Variants in EP400 observed in about 807,000 individuals in gnomAD.
The protein encoded by EP400 is E1A binding protein p400.
Under a neutral mutation model 354.1 loss-of-function variants are expected in EP400, and 105 were observed. The observed-to-expected ratio is 0.30, with a 90% CI of 0.25 to 0.35. EP400 has a LOEUF of 0.35. EP400 is among the 10% of genes least tolerant of loss of function. The pLI is 1.00. For missense variants in EP400, 3,280 were observed against 4,121.0 expected, an observed-to-expected ratio of 0.80 and a Z score of 5.59; for synonymous variants, 1,646 against 1,716.9, an observed-to-expected ratio of 0.96 and a Z score of 1.02.
chr12:132,053,278 C>T, intron 42 of EP400, 54 bp downstream of exon 42: 2 of 1,609,842 alleles, frequency 1.2e-6, no homozygotes, highest in Non-Finnish European at 1.7e-6. Flanking sequence ...ACTGTGACTT[C>T]ATCCAGGGGG....
chr12:131,983,446 G>A (rs1892749164), intron 5 of EP400, among the ~76,000 whole-genome samples: 1 of 152,176 alleles, frequency 6.6e-6, no homozygotes. Context: ...TGTGTTTTTG[G>A]GATGTCCACA....
In EP400 at chr12:131,979,702, C is replaced by T; in HGVS notation, c.1344C>T (p.Ala448=). 6.2e-7 allele frequency: 1 copy of T among 1,605,772 alleles called. No individual in the cohort carries two copies. Among genetic ancestry groups the T allele is most frequent in the African/African-American group, 1.3e-5 (1 of 74,416 alleles). Residue 448 remains alanine, a synonymous_variant, in exon 3 of 53, where the codon GCC becomes GCT. Coordinates refer to ENST00000389561, the MANE Select transcript of EP400 (RefSeq NM_015409.5). ...KSEVINDEQQ[A]LAGSLVAGAG... ...TTCATCTTTTTTCCCAGCAGCAAGC[C>T]CTCGCAGGGAGCCTGGTAGCAGGGG... is the stretch of plus-strand genomic sequence containing the variant.
intron 29 of EP400, among the ~76,000 whole-genome samples, chr12:132,031,550 G>A (rs1894497805): frequency 6.6e-6 from 1 of 152,086 alleles, no homozygotes; most frequent in East Asian, 1.9e-4. Context: ...AAACCAAGCA[G>A]TTTTGCTATG....
Position 132,013,146 on chromosome 12 carries a change from G to A in EP400, c.3579G>A (p.Glu1193=). 1 of 1,613,974 alleles carries A rather than the reference G, an allele frequency of 6.2e-7. No individual in the cohort carries two copies. Among genetic ancestry groups the A allele is most frequent in the East Asian group, 2.2e-5 (1 of 44,882 alleles). The change falls in exon 17 of 53, where the codon GAG becomes GAA. Residue 1193 remains glutamate (E), a synonymous_variant. Transcript: ENST00000389561. This position sits in a 1 kb window ranked among gnomAD's most constrained non-coding sequence, Gnocchi z 4.5. ...DEMQRVKGMT[E]RHWEAVFTLQ... ...TGCAGCGCGTGAAGGGCATGACCGA[G>A]AGGCACTGGGAAGCGGTTTTCACCC...
intron 51 of EP400, among the ~76,000 whole-genome samples, chr12:132,071,753 T>TTGCTCCTCTGCACC (rs1291033314): frequency 6.6e-5 from 10 of 152,188 alleles, no homozygotes; most frequent in Non-Finnish European, 5.9e-5. Context: ...CCCTCTGCAC[T>TTGCTCCTCTGCACC]TGCTCCTCTG....
chr12:132,038,202 C>G lies in EP400; in HGVS notation c.6207+106C>G. 7.0e-7 allele frequency: 1 copy of G among 1,418,890 alleles called. No homozygotes were observed. Among genetic ancestry groups the G allele is most frequent in the African/African-American group, 1.4e-5 (1 of 70,310 alleles). The allele number at this position is 1,418,890 out of a possible 1,614,324, so 87.9% of individuals were successfully genotyped here. A position where few individuals can be genotyped will look rare whatever the true frequency, so the allele number is the denominator to read the frequency against. ...TGCTCAGTCCCCACTCTTCCCTGGCCTGAAGCCCTCTTCCCGTCCCTGCTT... is the reference window on the plus strand; with the variant it reads ...TGCTCAGTCCCCACTCTTCCCTGGCGTGAAGCCCTCTTCCCGTCCCTGCTT... On this transcript the variant is annotated intron_variant, in intron 32 of 52. Coordinates refer to ENST00000389561, the MANE Select transcript of EP400 (RefSeq NM_015409.5). The surrounding 1 kb of genome is among the most constrained non-coding windows in gnomAD (Gnocchi z 4.2).
In EP400 at chr12:132,018,271, C is replaced by T; in HGVS notation, c.4172C>T (p.Ala1391Val). The change falls in exon 21 of 53, where the codon GCA becomes GTA. Residue 1391 changes from alanine to valine, a missense_variant. By Grantham distance (64) the Ala-to-Val change is moderately conservative. Around this residue, in one of 20 missense-constraint regions of EP400, gnomAD observed 342 missense variants for 342.7 expected, o/e 1.00. Transcript: ENST00000389561. The surrounding 1 kb of genome is among the most constrained non-coding windows in gnomAD (Gnocchi z 4.0). ...GLENKITRHE[A>V]ELLSKKKIPR... is the part of the protein sequence containing the mutation. ...GAAAATAAAATCACTCGTCACGAGG[C>T]AGAGTTGCTGTCTAAGAAAAAGATA... 3 of 1,613,910 alleles carry T rather than the reference C, an allele frequency of 1.9e-6. No individual in the cohort carries two copies. The highest frequency in any genetic ancestry group is 2.5e-6 in the Non-Finnish European group (3 of 1,179,966).
At chr12:132,062,044 C>CT in intron 45 of EP400, 66 bp from the exon 46 acceptor site, 2 of 1,443,872 alleles carry the variant, frequency 1.4e-6, no homozygotes, top group South Asian at 2.3e-5. Flanking sequence ...CTTCCCTGCT[C>CT]TGAGTGTGAA....
At chr12:131,986,900 G>T in intron 6 of EP400, 93 bp downstream of exon 6, 5 of 1,418,148 alleles carry the variant, frequency 3.5e-6, no homozygotes, top group Middle Eastern at 3.8e-4. Context: ...AAAACCGAAT[G>T]CCTGGTCAAT....
In EP400 at chr12:132,062,614, G is replaced by T; in HGVS notation, c.8247G>T (p.Thr2749=). ...AGCAACAGCAGCAGCAGCAACAGAC[G>T]ACGACGACCTCTCAGGTGCAAGTTC... ...QQQQQQQQQQ[T]TTTSQVQVPQ... Residue 2749 remains threonine (T), a synonymous_variant, in exon 47 of 53, where the codon ACG becomes ACT. Transcript: ENST00000389561. The T allele has an allele frequency of 6.2e-7, 1 of 1,613,936 alleles. No homozygotes were observed. The highest frequency in any genetic ancestry group is 8.5e-7 in the Non-Finnish European group (1 of 1,179,948).
chr12:132,026,143 G>A (rs969967911), intron 25 of EP400, among the ~76,000 whole-genome samples: 2 of 152,168 alleles, frequency 1.3e-5, no homozygotes, highest in African/African-American at 4.8e-5. Context: ...GTGTGTGGCC[G>A]CCCACGCAGG....
Position 132,021,312 on chromosome 12 carries a change from C to T in EP400, c.4681C>T (p.Arg1561Cys), listed in dbSNP as rs532602362. Residue 1561 changes from arginine (R) to cysteine (C), a missense_variant, in exon 23 of 53, where the codon CGC (arginine) becomes TGC (cysteine). Around this residue, in one of 20 missense-constraint regions of EP400, gnomAD observed 342 missense variants for 342.7 expected, o/e 1.00. Coordinates refer to ENST00000389561, the MANE Select transcript of EP400 (RefSeq NM_015409.5). ...GGTGCTCCCCTCGCAGGCCCAGGCC[C>T]GCTTGCCCAGTAAGTGGCCTCACCT... ...RLVLPSQAQA[R>C]LPSGEVVKIA... 22 of 1,519,478 alleles carry T rather than the reference C, an allele frequency of 1.4e-5. No individual in the cohort carries two copies. The highest frequency in any genetic ancestry group is 2.3e-4 in the Middle Eastern group (1 of 4,276). The allele number at this position is 1,519,478 out of a possible 1,614,324, so 94.1% of individuals were successfully genotyped here.
Position 132,013,201 on chromosome 12 carries a change from A to G in EP400, c.3611+23A>G, listed in dbSNP as rs370236684. 6 of 1,589,102 alleles carry G rather than the reference A, an allele frequency of 3.8e-6. No homozygotes were observed. Among genetic ancestry groups the G allele is most frequent in the Middle Eastern group, 3.3e-4 (2 of 5,990 alleles). ...GAGGTCTGTGTGTTACGCGCTTGTC[A>G]TTGAGTGTTCTTTGCTGTTGATGTA... On this transcript the variant is annotated intron_variant, in intron 17 of 52. Transcript: ENST00000389561. The surrounding 1 kb of genome is among the most constrained non-coding windows in gnomAD (Gnocchi z 4.5).
Position 132,045,768 on chromosome 12 carries a change from C to T in EP400, c.7068C>T (p.Ile2356=), listed in dbSNP as rs765442346. Residue 2356 remains isoleucine, a synonymous_variant, in exon 39 of 53, where the codon ATC becomes ATT. Transcript: ENST00000389561. The part of the protein sequence containing the change: ...QLLELPLNLT[I]VSPAHTPNWD... ...TGGAGCTGCCTTTGAACCTCACAATCGTGTCACCTGCTCACACACCTAATT... is the reference window on the plus strand; with the variant it reads ...TGGAGCTGCCTTTGAACCTCACAATTGTGTCACCTGCTCACACACCTAATT... The T allele has an allele frequency of 3.1e-6, 5 of 1,614,242 alleles. No individual in the cohort carries two copies. The Admixed American group carries it at 5.0e-5, about 16-fold the overall frequency.
chr12:132,044,364 G>C (rs1895015481), intron 35 of EP400, 53 bp downstream of exon 35: 1 of 1,579,232 alleles, frequency 6.3e-7, no homozygotes, highest in Non-Finnish European at 8.6e-7. Flanking sequence ...AGGGGCACTT[G>C]TGCAGCCATG....
Position 132,062,569 on chromosome 12 carries a change from G to GCAGCAGCAT in EP400, c.8210_8211insTCAGCAGCA (p.Gln2736_Gln2737insHisGlnGln), listed in dbSNP as rs1895738115. ...AACAACAGCAGCAGCAGCAGCAGCA[G>GCAGCAGCAT]CAGCAGCAGCAGCAGCAGCAGCAAC... On this transcript the variant is annotated inframe_insertion, in exon 47 of 53. Transcript: ENST00000389561. 1 of 1,607,866 alleles carries GCAGCAGCAT rather than the reference G, an allele frequency of 6.2e-7. No individual in the cohort carries two copies.
At chr12:131,989,268 T>TGCCTCTC (rs1241738645) in intron 7 of EP400, among the ~76,000 whole-genome samples, 1 of 152,234 alleles carries the variant, frequency 6.6e-6, no homozygotes, top group Non-Finnish European at 1.5e-5. Context: ...CCGTGCCTCC[T>TGCCTCTC]GCCTCTCGCT....
At chr12:132,076,874 G>C (rs1296093789) in intron 52 of EP400, among the ~76,000 whole-genome samples, 11 of 152,206 alleles carry the variant, frequency 7.2e-5, no homozygotes, top group Admixed American at 7.2e-4. Flanking sequence ...ACACTGCCCT[G>C]TGGTTTTAGG....
intron 1 of EP400, among the ~76,000 whole-genome samples, chr12:131,951,799 G>A (rs1891509821): frequency 6.7e-6 from 1 of 150,008 alleles, no homozygotes; most frequent in East Asian, 2.0e-4. Flanking sequence ...GTTTTGAGAC[G>A]GAGTTTTGTT....
Sources: gnomAD v4.1 joint callset for allele counts (sites outside exome capture counted in the v4.1 genomes callset) on GRCh38, gnomAD v4.1.1 for gene constraint, gnomAD v4.1.1 regional missense constraint, Gnocchi (gnomAD v3.1) non-coding constraint, MANE v1.5 for transcripts, NCBI Gene and HGNC (gene_info 2026-07-23, HGNC 2026-07-21) for gene names.